The following KCNQ1 variants were observed in gnomAD, a reference collection of about 807,000 sequenced individuals.
KCNQ1 encodes the protein potassium voltage-gated channel subfamily KQT member 1.
In KCNQ1, 49 loss-of-function variants were observed where a neutral mutation model predicts 72.4. That is an observed-to-expected ratio of 0.68 (90% CI 0.54 to 0.86). The LOEUF is 0.86. KCNQ1 is among the 40% of genes least tolerant of loss of function. The probability of loss-of-function intolerance (pLI) is 0.00; values close to 1 mark genes in which losing one functional copy is unlikely to be tolerated. For synonymous variants in KCNQ1, 450 were observed against 412.6 expected, an observed-to-expected ratio of 1.09 and a Z score of -1.10; for missense variants, 790 against 945.1, an observed-to-expected ratio of 0.84 and a Z score of 2.15.
At chr11:2,524,042 G>T (rs1461605803) in intron 1 of KCNQ1, among the ~76,000 whole-genome samples, 2 of 152,172 alleles carry the variant, frequency 1.3e-5, no homozygotes, top group African/African-American at 4.8e-5. Context: ...GGCCAAAGGG[G>T]CTTTGCAGGG....
intron 15 of KCNQ1, among the ~76,000 whole-genome samples, chr11:2,840,630 G>GAAAAC (rs895548605): frequency 5.3e-5 from 8 of 152,104 alleles, no homozygotes; most frequent in Admixed American, 4.6e-4. Flanking sequence ...GTGAAAAAGT[G>GAAAAC]AAAACATAAG....
In KCNQ1 at chr11:2,848,018, TG is replaced by T. The variant is rs745362039; in HGVS notation, c.*20del. 4.6e-6 allele frequency: 7 copies of T among 1,532,554 alleles called. No individual in the cohort carries two copies. The highest frequency in any genetic ancestry group is 5.3e-6 in the Non-Finnish European group (6 of 1,137,164). 94.9% of individuals were successfully genotyped at this position (1,532,554 alleles called of 1,614,324 possible). Reference sequence around the variant, plus strand: ...AGGGGTCCTGAGGAGGGGATGGGGCTGGGGGATGGGCCTGAGTGAGAGGGGA... The same window carrying T: ...AGGGGTCCTGAGGAGGGGATGGGGCTGGGGATGGGCCTGAGTGAGAGGGGA... On this transcript the variant is annotated 3_prime_UTR_variant, in exon 16 of 16. Coordinates refer to ENST00000155840, the MANE Select transcript of KCNQ1 (RefSeq NM_000218.3).
chr11:2,731,052 C>T (rs910986342), intron 11 of KCNQ1, among the ~76,000 whole-genome samples: 1 of 152,246 alleles, frequency 6.6e-6, no homozygotes, highest in Non-Finnish European at 1.5e-5. Flanking sequence ...TTCCTTTGGC[C>T]TCACAGCTCA....
intron 10 of KCNQ1, chr11:2,648,935 C>G (rs1198396459): frequency 1.0e-5 from 4 of 395,120 alleles, no homozygotes; most frequent in African/African-American, 2.1e-5. Context: ...CTGAATTGAT[C>G]CATTTATAAT....
At position 2,599,304 on chromosome 11, in the gene KCNQ1, A is replaced by C. The variant is rs11822631; in HGVS notation, c.1393+10450A>C. ...TCTTGTTTTTCTCAATCAGTAAAAT[A>C]GTAAAAATGCCTCTAAGGCTGCTGA... On this transcript the variant is annotated intron_variant, in intron 10 of 15. Transcript: ENST00000155840. This position sits in a 1 kb window ranked among gnomAD's most constrained non-coding sequence, Gnocchi z 4.7. 0.2 allele frequency among the ~76,000 whole-genome samples: 30,387 copies of C among 152,170 alleles called. 4,084 individuals are homozygous for C. The highest frequency in any genetic ancestry group is 0.35 in the African/African-American group (14,510 of 41,476).
At position 2,759,063 on chromosome 11, in the gene KCNQ1, G is replaced by A. The variant is rs1846346989; in HGVS notation, c.1515-9781G>A. 2.0e-5 allele frequency among the ~76,000 whole-genome samples: 3 copies of A among 151,852 alleles called. No individual in the cohort carries two copies. Among genetic ancestry groups the A allele is most frequent in the Admixed American group, 2.0e-4 (3 of 15,274 alleles). ...ATCTGTTACTCCACCCATGCAAGGT[G>A]TGACCGTCGCGAACTCACGTAGAGG... On this transcript the variant is annotated intron_variant, in intron 11 of 15. Transcript: ENST00000155840. The surrounding 1 kb of genome is among the most constrained non-coding windows in gnomAD (Gnocchi z 4.4).
In KCNQ1 at chr11:2,803,019, C is replaced by T. The variant is rs1294538991; in HGVS notation, c.1794+24982C>T. Among the ~76,000 whole-genome samples, 2 of 152,244 alleles carry T rather than the reference C, an allele frequency of 1.3e-5. No individual in the cohort carries two copies. The highest frequency in any genetic ancestry group is 2.9e-5 in the Non-Finnish European group (2 of 68,044). ...GCCACCCAGAGGAGCTGGCCCTGGCCACTCTCTCAGAGCAGGAGGTGACAT... is the reference window on the plus strand; with the variant it reads ...GCCACCCAGAGGAGCTGGCCCTGGCTACTCTCTCAGAGCAGGAGGTGACAT... On this transcript the variant is annotated intron_variant, in intron 15 of 15. Coordinates refer to ENST00000155840, the MANE Select transcript of KCNQ1 (RefSeq NM_000218.3). The surrounding 1 kb of genome is among the most constrained non-coding windows in gnomAD (Gnocchi z 6.4).
In KCNQ1 at chr11:2,815,881, C is replaced by CAGCT. The variant is rs1847602411; in HGVS notation, c.1795-31885_1795-31882dup. ...CAGGGGGTCTCCAGGCTGTATCTAA[C>CAGCT]AGCTGCCTGTGCCGAAAAATTAAGC... On this transcript the variant is annotated intron_variant, in intron 15 of 15. Coordinates refer to ENST00000155840, the MANE Select transcript of KCNQ1 (RefSeq NM_000218.3). The surrounding 1 kb of genome is among the most constrained non-coding windows in gnomAD (Gnocchi z 5.4). Among the ~76,000 whole-genome samples the CAGCT allele has an allele frequency of 6.6e-6, 1 of 152,202 alleles. No homozygotes were observed. Among genetic ancestry groups the CAGCT allele is most frequent in the African/African-American group, 2.4e-5 (1 of 41,458 alleles).
intron 11 of KCNQ1, chr11:2,665,352 G>T (rs1276849813): frequency 7.5e-6 from 3 of 398,046 alleles, no homozygotes; most frequent in African/African-American, 4.1e-5. Flanking sequence ...ATGGGCAGTT[G>T]GGGAGCACCC....
In KCNQ1 at chr11:2,627,298, C is replaced by A. The variant is rs1849276692; in HGVS notation, c.1394-34663C>A. 8 of 398,344 alleles carry A rather than the reference C, an allele frequency of 2.0e-5. No homozygotes were observed. The highest frequency in any genetic ancestry group is 2.2e-5 in the Non-Finnish European group (5 of 226,040). 24.7% of individuals were successfully genotyped at this position (398,344 alleles called of 1,614,324 possible). On this transcript the variant is annotated intron_variant, in intron 10 of 15. Coordinates refer to ENST00000155840, the MANE Select transcript of KCNQ1 (RefSeq NM_000218.3). The surrounding 1 kb of genome is among the most constrained non-coding windows in gnomAD (Gnocchi z 4.9). ...AATTAACATATACCTTACATAGTTG[C>A]CATGTGTGTGCGTGTGTGTGGTCAG...
chr11:2,723,924 G>T lies in KCNQ1; in HGVS notation c.1515-44920G>T, dbSNP rs937984131. Reference sequence around the variant, plus strand: ...TTGGGGGATGTGCCGCAGGGATGGGGCATCTCAGCCTTTGTATCTGCCGTG... The same window carrying T: ...TTGGGGGATGTGCCGCAGGGATGGGTCATCTCAGCCTTTGTATCTGCCGTG... On this transcript the variant is annotated intron_variant, in intron 11 of 15. Transcript: ENST00000155840. This position sits in a 1 kb window ranked among gnomAD's most constrained non-coding sequence, Gnocchi z 4.2. Among the ~76,000 whole-genome samples the T allele has an allele frequency of 6.6e-6, 1 of 152,240 alleles. No individual in the cohort carries two copies. Among genetic ancestry groups the T allele is most frequent in the Non-Finnish European group, 1.5e-5 (1 of 68,042 alleles).
In KCNQ1 at chr11:2,471,776, A is replaced by G. The variant is rs955779113; in HGVS notation, c.386+26292A>G. On this transcript the variant is annotated intron_variant, in intron 1 of 15. Transcript: ENST00000155840. This position sits in a 1 kb window ranked among gnomAD's most constrained non-coding sequence, Gnocchi z 4.8. ...TGTGTACTTGTGTATGGGTGTGTGC[A>G]TGTGATTGGGTGTGTGCATGTGTAT... Among the ~76,000 whole-genome samples, 9 of 144,916 alleles carry G rather than the reference A, an allele frequency of 6.2e-5. No homozygotes were observed. Among genetic ancestry groups the G allele is most frequent in the African/African-American group, 2.1e-4 (8 of 37,928 alleles).
At chr11:2,503,738 C>T (rs61871470) in intron 1 of KCNQ1, among the ~76,000 whole-genome samples, 3,249 of 152,168 alleles carry the variant, frequency 0.021, 52 homozygotes, top group Middle Eastern at 0.037. Flanking sequence ...AGGTACTCAA[C>T]GTCACTGATC....
chr11:2,698,981 C>T lies in KCNQ1; in HGVS notation c.1514+36900C>T, dbSNP rs577035818. The stretch of plus-strand genomic sequence containing the variant: ...TAACTCAGAACCACAACGGGGATTC[C>T]CACCTCCGATCCTAATTCGGGCCCT... On this transcript the variant is annotated intron_variant, in intron 11 of 15. Coordinates refer to ENST00000155840, the MANE Select transcript of KCNQ1 (RefSeq NM_000218.3). This position sits in a 1 kb window ranked among gnomAD's most constrained non-coding sequence, Gnocchi z 5.1. 1.1e-3 allele frequency: 435 copies of T among 398,524 alleles called. 1 individual carries two copies. Among genetic ancestry groups the T allele is most frequent in the Non-Finnish European group, 1.6e-3 (367 of 226,078 alleles). 24.7% of individuals were successfully genotyped at this position (398,524 alleles called of 1,614,324 possible).
rs1353571992 is a variant in KCNQ1, at chr11:2,564,847, G to A, written c.478-5781G>A. On this transcript the variant is annotated intron_variant, in intron 2 of 15. Coordinates refer to ENST00000155840, the MANE Select transcript of KCNQ1 (RefSeq NM_000218.3). The surrounding 1 kb of genome is among the most constrained non-coding windows in gnomAD (Gnocchi z 4.5). ...GTGGAAGCAGATAGTATTTGTCCTTGTGTAACTGGATCATTTCACTGAGAG... is the reference window on the plus strand; with the variant it reads ...GTGGAAGCAGATAGTATTTGTCCTTATGTAACTGGATCATTTCACTGAGAG... Among the ~76,000 whole-genome samples the A allele has an allele frequency of 6.6e-6, 1 of 152,188 alleles. No individual in the cohort carries two copies. The highest frequency in any genetic ancestry group is 1.9e-4 in the East Asian group (1 of 5,192).
At position 2,831,705 on chromosome 11, in the gene KCNQ1, C is replaced by T. The variant is rs183020588; in HGVS notation, c.1795-16062C>T. Among the ~76,000 whole-genome samples, 109 of 148,688 alleles carry T rather than the reference C, an allele frequency of 7.3e-4. 2 individuals are homozygous for T. In the East Asian group the frequency reaches 0.018, roughly 24 times the overall value. Reference sequence around the variant, plus strand: ...CTCCTTCCTCCAGCACCCTTCTCCCCGCTGCCCTCCCCTCCCCTCCCCGCT... The same window carrying T: ...CTCCTTCCTCCAGCACCCTTCTCCCTGCTGCCCTCCCCTCCCCTCCCCGCT... On this transcript the variant is annotated intron_variant, in intron 15 of 15. Transcript: ENST00000155840.
In KCNQ1 at chr11:2,824,752, G is replaced by A. The variant is rs1160037858; in HGVS notation, c.1795-23015G>A. Reference sequence around the variant, plus strand: ...GCTTGGGCATCCTAGAGGCCCCCGGGACAGCTTTGAGGAAGGAACGTCCCC... The same window carrying A: ...GCTTGGGCATCCTAGAGGCCCCCGGAACAGCTTTGAGGAAGGAACGTCCCC... On this transcript the variant is annotated intron_variant, in intron 15 of 15. Transcript: ENST00000155840. The surrounding 1 kb of genome is among the most constrained non-coding windows in gnomAD (Gnocchi z 5.9). Among the ~76,000 whole-genome samples, 1 of 151,224 alleles carries A rather than the reference G, an allele frequency of 6.6e-6. No homozygotes were observed. The highest frequency in any genetic ancestry group is 1.9e-4 in the East Asian group (1 of 5,160).
At chr11:2,615,375 C>G (rs575097554) in intron 10 of KCNQ1, 5 of 397,974 alleles carry the variant, frequency 1.3e-5, no homozygotes, top group South Asian at 1.3e-4. Context: ...AATTTGGATG[C>G]TATTCATTTA....
intron 1 of KCNQ1, among the ~76,000 whole-genome samples, chr11:2,480,989 T>C (rs923669831): frequency 3.3e-5 from 5 of 152,178 alleles, no homozygotes; most frequent in African/African-American, 9.7e-5. Flanking sequence ...GGGAGTTCCT[T>C]CTGCTATTCT....
Sources: allele counts gnomAD v4.1 joint callset (sites outside exome capture counted in the v4.1 genomes callset), GRCh38; gene constraint gnomAD v4.1.1; non-coding constraint Gnocchi (gnomAD v3.1); transcripts MANE v1.5; gene names NCBI Gene and HGNC (gene_info 2026-07-23, HGNC 2026-07-21).